The following ETV3 variants were observed in gnomAD, a reference collection of about 807,000 sequenced individuals.
The protein encoded by ETV3 is ETS variant transcription factor 3.
ETV3 carries 8 observed loss-of-function variants against 33.0 expected under a neutral mutation model. That is an observed-to-expected ratio of 0.24 (90% CI 0.14 to 0.44). ETV3 has a LOEUF of 0.44. Ranked by LOEUF, ETV3 falls within the 20% of genes least tolerant of loss-of-function variation. The pLI is 1.00. For synonymous variants in ETV3, 222 were observed against 238.9 expected, an observed-to-expected ratio of 0.93 and a Z score of 0.65; for missense variants, 473 against 652.3, an observed-to-expected ratio of 0.73 and a Z score of 2.99.
rs375770103 is a variant in ETV3 at position 157,136,320 on chromosome 1, T to C, written c.33A>G (p.Pro11=). MKAGCSIVEK[P]EGGGGYQFPD... ...ACTTCTGCTCACCTCCACCTCCTTC[T>C]GGCTTTTCCACGATGCTACAGCCGG... The change falls in exon 2 of 5, where the codon CCA becomes CCG. Residue 11 remains proline (P), a synonymous_variant. Coordinates refer to ENST00000368192, the MANE Select transcript of ETV3 (RefSeq NM_001145312.3). 1.9e-6 allele frequency: 3 copies of C among 1,612,114 alleles called. No homozygotes were observed. The African/African-American group carries it at 4.0e-5, about 22-fold the overall frequency.
Position 157,130,808 on chromosome 1 carries a change from AC to A in ETV3, c.400+3303del, listed in dbSNP as rs769240269. Among the ~76,000 whole-genome samples, 112 of 152,234 alleles carry A rather than the reference AC, an allele frequency of 7.4e-4. 5 individuals are homozygous for A. The highest frequency in any genetic ancestry group is 1.5e-4 in the Non-Finnish European group (10 of 68,046). On this transcript the variant is annotated intron_variant, in intron 4 of 4. Coordinates refer to ENST00000368192, the MANE Select transcript of ETV3 (RefSeq NM_001145312.3). ...AAATAATTTTTTTATTAATCATGGT[AC>A]AAAATTTAAACCCTAAAAAGACAAC... is the stretch of plus-strand genomic sequence containing the variant.
In ETV3 at chr1:157,125,116, T is replaced by C. The variant is rs1368145854; in HGVS notation, c.1264A>G (p.Ile422Val). 24 of 1,547,278 alleles carry C rather than the reference T, an allele frequency of 1.6e-5. No individual in the cohort carries two copies. The highest frequency in any genetic ancestry group is 2.1e-5 in the Non-Finnish European group (24 of 1,144,614). ...GGTGGTGCAGCAGGACGGGCAAAGATGGTGCCTTTTTCCTCTTCAATGGTC... is the reference window on the plus strand; with the variant it reads ...GGTGGTGCAGCAGGACGGGCAAAGACGGTGCCTTTTTCCTCTTCAATGGTC... ...SRTIEEEKGT[I>V]FARPAAPPIW... Residue 422 changes from isoleucine (I) to valine (V), a missense_variant, in exon 5 of 5, where the codon ATC (isoleucine) becomes GTC (valine). Around this residue, in one of 3 missense-constraint regions of ETV3, gnomAD observed 410 missense variants for 520.2 expected, o/e 0.79. Transcript: ENST00000368192. The surrounding 1 kb of genome is among the most constrained non-coding windows in gnomAD (Gnocchi z 4.0).
intron 1 of ETV3, 138 bp from the exon 2 acceptor site, chr1:157,136,503 T>C (rs897488333): frequency 1.4e-6 from 1 of 734,454 alleles, no homozygotes. Context: ...TTCAAACATG[T>C]CACCTCCAAA....
intron 3 of ETV3, among the ~76,000 whole-genome samples, chr1:157,134,688 A>T (rs1037053822): frequency 2.6e-5 from 4 of 152,228 alleles, no homozygotes; most frequent in African/African-American, 9.7e-5. Flanking sequence ...CAACTGTTTT[A>T]TGGTGGCAGG....
rs946758006 is a variant in ETV3 at position 157,135,579 on chromosome 1, C to T, written c.176G>A (p.Gly59Glu). ...EFRHVIAWQQ[G>E]EYGEFVIKDP... is the part of the protein sequence containing the mutation. ...CTTGATGACAAATTCCCCGTACTCTCCCTGCTGCCAGGCGATGACATGGCG... is the reference window on the plus strand; with the variant it reads ...CTTGATGACAAATTCCCCGTACTCTTCCTGCTGCCAGGCGATGACATGGCG... The change falls in exon 3 of 5, where the codon GGA (glycine) becomes GAA (glutamate). Residue 59 changes from glycine to glutamate, a missense_variant. Transcript: ENST00000368192. 1.2e-6 allele frequency: 2 copies of T among 1,613,986 alleles called. No homozygotes were observed. The highest frequency in any genetic ancestry group is 2.7e-5 in the African/African-American group (2 of 74,900).
rs543665569 is a variant in ETV3, at chr1:157,126,911, G to A, written c.401-932C>T. Among the ~76,000 whole-genome samples, 695 of 148,322 alleles carry A rather than the reference G, an allele frequency of 4.7e-3. 5 individuals are homozygous for A. The highest frequency in any genetic ancestry group is 0.016 in the African/African-American group (646 of 39,304). ...AGCTGCCCTGGCTGACTGTGGGGAGGGGCAGAGCTGCCCTGGCTGACTGTG... is the reference window on the plus strand; with the variant it reads ...AGCTGCCCTGGCTGACTGTGGGGAGAGGCAGAGCTGCCCTGGCTGACTGTG... On this transcript the variant is annotated intron_variant, in intron 4 of 4. Coordinates refer to ENST00000368192, the MANE Select transcript of ETV3 (RefSeq NM_001145312.3).
chr1:157,125,675 A>G lies in ETV3; in HGVS notation c.705T>C (p.Ala235=). The change falls in exon 5 of 5, where the codon GCT becomes GCC. Residue 235 remains alanine, a synonymous_variant. Transcript: ENST00000368192. This position sits in a 1 kb window ranked among gnomAD's most constrained non-coding sequence, Gnocchi z 4.0. ...RKPDIMLPLF[A]RPGMYPDPHS... Reference sequence around the variant, plus strand: ...GGGGGTCAGGGTACATCCCTGGCCTAGCAAACAGAGGAAGCATTATGTCAG... The same window carrying G: ...GGGGGTCAGGGTACATCCCTGGCCTGGCAAACAGAGGAAGCATTATGTCAG... 6.4e-7 allele frequency: 1 copy of G among 1,551,678 alleles called. No individual in the cohort carries two copies. Among genetic ancestry groups the G allele is most frequent in the Non-Finnish European group, 8.7e-7 (1 of 1,146,984 alleles).
chr1:157,130,251 T>G (rs909314052), intron 4 of ETV3, among the ~76,000 whole-genome samples: 2 of 152,190 alleles, frequency 1.3e-5, no homozygotes, highest in Non-Finnish European at 2.9e-5. Context: ...TTTCCTGATG[T>G]ATTTAGGTGG....
Position 157,136,332 on chromosome 1 carries a change from G to A in ETV3, c.21C>T (p.Ile7=), listed in dbSNP as rs1007124749. ...CTCCACCTCCTTCTGGCTTTTCCACGATGCTACAGCCGGCTTTCATTTTCA... is the reference window on the plus strand; with the variant it reads ...CTCCACCTCCTTCTGGCTTTTCCACAATGCTACAGCCGGCTTTCATTTTCA... MKAGCS[I]VEKPEGGGGY... The change falls in exon 2 of 5, where the codon ATC becomes ATT. Residue 7 remains isoleucine (I), a synonymous_variant. Transcript: ENST00000368192. 1 of 1,611,108 alleles carries A rather than the reference G, an allele frequency of 6.2e-7. No individual in the cohort carries two copies. Among genetic ancestry groups the A allele is most frequent in the Non-Finnish European group, 8.5e-7 (1 of 1,178,896 alleles).
Position 157,134,797 on chromosome 1 carries a change from T to G in ETV3, c.285-570A>C, listed in dbSNP as rs1204036624. Among the ~76,000 whole-genome samples, 6 of 152,224 alleles carry G rather than the reference T, an allele frequency of 3.9e-5. No individual in the cohort carries two copies. In the South Asian group the frequency reaches 1.2e-3, roughly 32 times the overall value. On this transcript the variant is annotated intron_variant, in intron 3 of 4. Coordinates refer to ENST00000368192, the MANE Select transcript of ETV3 (RefSeq NM_001145312.3). ...ATGTGAAAGAATACAGCAAAGCCACTGTACAGAGTTTACATTTCAGGTCAG... is the reference window on the plus strand; with the variant it reads ...ATGTGAAAGAATACAGCAAAGCCACGGTACAGAGTTTACATTTCAGGTCAG...
rs116153368 is a variant in ETV3, at chr1:157,136,133, G to A, written c.46+174C>T. On this transcript the variant is annotated intron_variant, in intron 2 of 4. Coordinates refer to ENST00000368192, the MANE Select transcript of ETV3 (RefSeq NM_001145312.3). ...GCTTAGGATATGGGTGTGGTGACCAGACATGTTAAATATACATCCATAGGA... is the reference window on the plus strand; with the variant it reads ...GCTTAGGATATGGGTGTGGTGACCAAACATGTTAAATATACATCCATAGGA... Among the ~76,000 whole-genome samples, 410 of 152,302 alleles carry A rather than the reference G, an allele frequency of 2.7e-3. 2 individuals carry two copies. The highest frequency in any genetic ancestry group is 9.7e-3 in the African/African-American group (402 of 41,570).
rs1674726425 is a variant in ETV3 at position 157,122,457 on chromosome 1, T to C, written c.*2384A>G. The C allele has an allele frequency of 6.6e-6, 1 of 152,148 alleles. No individual in the cohort carries two copies. The highest frequency in any genetic ancestry group is 6.5e-5 in the Admixed American group (1 of 15,278). The allele number at this position is 152,148 out of a possible 1,614,324, so 9.4% of individuals were successfully genotyped here. A position where few individuals can be genotyped will look rare whatever the true frequency, so the allele number is the denominator to read the frequency against. ...AATTTCTTAAAGCCAAAAAATATTT[T>C]TCATGGAGTTGAACATTTTTCGAGT... is the stretch of plus-strand genomic sequence containing the variant. On this transcript the variant is annotated 3_prime_UTR_variant, in exon 5 of 5. Coordinates refer to ENST00000368192, the MANE Select transcript of ETV3 (RefSeq NM_001145312.3).
At chr1:157,131,552 T>C (rs1674968749) in intron 4 of ETV3, among the ~76,000 whole-genome samples, 1 of 152,234 alleles carries the variant, frequency 6.6e-6, no homozygotes, top group South Asian at 2.1e-4. Flanking sequence ...GAGGAATGTA[T>C]GATCTATTAA....
Position 157,124,678 on chromosome 1 carries a change from C to T in ETV3, c.*163G>A. 4.4e-6 allele frequency: 3 copies of T among 685,020 alleles called. No homozygotes were observed. Among genetic ancestry groups the T allele is most frequent in the Non-Finnish European group, 7.0e-6 (3 of 430,194 alleles). 42.4% of individuals were successfully genotyped at this position (685,020 alleles called of 1,614,324 possible). On this transcript the variant is annotated 3_prime_UTR_variant, in exon 5 of 5. Transcript: ENST00000368192. Reference sequence around the variant, plus strand: ...TGTTCATATCCCACCTAATTTACAACAGAAGATAACCCCATCCCATCCCCA... The same window carrying T: ...TGTTCATATCCCACCTAATTTACAATAGAAGATAACCCCATCCCATCCCCA...
chr1:157,135,735 G>A, intron 2 of ETV3, 27 bp from the exon 3 acceptor site: 2 of 1,610,954 alleles, frequency 1.2e-6, no homozygotes, highest in South Asian at 2.2e-5. Context: ...TCAAGATTAA[G>A]CTAGTTAAGA....
At chr1:157,132,320 A>G (rs1345487611) in intron 4 of ETV3, among the ~76,000 whole-genome samples, 1 of 152,208 alleles carries the variant, frequency 6.6e-6, no homozygotes, top group East Asian at 1.9e-4. Context: ...TTCGGGCAGA[A>G]CAGGTGTGCT....
rs372751602 is a variant in ETV3, at chr1:157,133,610, G to T, written c.400+502C>A. 2.3e-4 allele frequency: 231 copies of T among 987,064 alleles called. 1 individual carries two copies. The South Asian group carries it at 9.1e-3, about 39-fold the overall frequency. 61.1% of individuals were successfully genotyped at this position (987,064 alleles called of 1,614,324 possible). A position where few individuals can be genotyped will look rare whatever the true frequency, so the allele number is the denominator to read the frequency against. On this transcript the variant is annotated intron_variant, in intron 4 of 4. Transcript: ENST00000368192. ...TTTTCTCTGAGGATTTGCTGTTGCA[G>T]ATCAAAGACACTGCTTTTCACTGCA...
At chr1:157,137,265 C>G (rs963578975) in intron 1 of ETV3, among the ~76,000 whole-genome samples, 2 of 152,040 alleles carry the variant, frequency 1.3e-5, no homozygotes, top group African/African-American at 2.4e-5. Context: ...CCTCGCTGTT[C>G]CCCAGGGTGG....
Position 157,121,803 on chromosome 1 carries a change from CCA to C in ETV3, c.*3036_*3037del, listed in dbSNP as rs538321157. On this transcript the variant is annotated 3_prime_UTR_variant, in exon 5 of 5. Coordinates refer to ENST00000368192, the MANE Select transcript of ETV3 (RefSeq NM_001145312.3). ...TTAATGCTTCTGAAAGTTTCTTGGC[CCA>C]CAGAGGACTAGGGTGCAATCATTCC... The C allele has an allele frequency of 1.3e-4, 20 of 151,966 alleles. No individual in the cohort carries two copies. The highest frequency in any genetic ancestry group is 2.6e-4 in the Admixed American group (4 of 15,242). The allele number at this position is 151,966 out of a possible 1,614,324, so 9.4% of individuals were successfully genotyped here. A position where few individuals can be genotyped will look rare whatever the true frequency, so the allele number is the denominator to read the frequency against.
Sources: allele counts gnomAD v4.1 joint callset (sites outside exome capture counted in the v4.1 genomes callset), GRCh38; gene constraint gnomAD v4.1.1; regional missense constraint gnomAD v4.1.1; non-coding constraint Gnocchi (gnomAD v3.1); transcripts MANE v1.5; gene names NCBI Gene and HGNC (gene_info 2026-07-23, HGNC 2026-07-21).